The following IPCEF1 variants were observed in gnomAD, a reference collection of about 807,000 sequenced individuals.
IPCEF1 encodes the protein interactor protein for cytohesin exchange factors 1.
In IPCEF1, 31 loss-of-function variants were observed where a neutral mutation model predicts 50.9. The observed-to-expected ratio is 0.61, with a 90% CI of 0.46 to 0.82. The LOEUF is 0.82. Among genes scored for constraint, IPCEF1 ranks in the 40% least tolerant of loss-of-function variants. The pLI is 0.00. For missense variants in IPCEF1, 458 were observed against 514.0 expected, an observed-to-expected ratio of 0.89 and a Z score of 1.05; for synonymous variants, 181 against 192.0, an observed-to-expected ratio of 0.94 and a Z score of 0.47.
At chr6:154,249,685 C>T (rs1367865941) in intron 3 of IPCEF1, among the ~76,000 whole-genome samples, 2 of 152,052 alleles carry the variant, frequency 1.3e-5, no homozygotes, top group Non-Finnish European at 2.9e-5. Context: ...TTCCATCGCT[C>T]CCAGCTGGGT....
intron 2 of IPCEF1, among the ~76,000 whole-genome samples, chr6:154,286,987 C>A (rs1315048386): frequency 6.6e-6 from 1 of 152,140 alleles, no homozygotes; most frequent in African/African-American, 2.4e-5. Context: ...GTTCTCATGA[C>A]AGTGAGTGAG....
At chr6:154,182,067 T>A (rs1035371107) in intron 10 of IPCEF1, among the ~76,000 whole-genome samples, 2 of 152,070 alleles carry the variant, frequency 1.3e-5, no homozygotes, top group Admixed American at 6.5e-5. Flanking sequence ...TTAAAATTTT[T>A]AAAAAAGATC....
rs564831205 is a variant in IPCEF1, at chr6:154,274,054, C to CT, written c.-17-8091dup. Among the ~76,000 whole-genome samples, 735 of 142,348 alleles carry CT rather than the reference C, an allele frequency of 5.2e-3. 3 individuals are homozygous for CT. Among genetic ancestry groups the CT allele is most frequent in the African/African-American group, 0.013 (500 of 39,002 alleles). 93.4% of individuals were successfully genotyped at this position (142,348 alleles called of 152,430 possible). A position where few individuals can be genotyped will look rare whatever the true frequency, so the allele number is the denominator to read the frequency against. On this transcript the variant is annotated intron_variant, in intron 2 of 11. Coordinates refer to ENST00000367220, the MANE Select transcript of IPCEF1 (RefSeq NM_001130700.2). ...AGGCATGAGCCACCGTGCCTGGCTG[C>CT]TTTTTTTTTTTTTAACTTAAGCTCA... is the stretch of plus-strand genomic sequence containing the variant.
intron 5 of IPCEF1, among the ~76,000 whole-genome samples, chr6:154,229,053 T>A (rs769286248): frequency 2.0e-5 from 3 of 152,202 alleles, no homozygotes; most frequent in African/African-American, 7.2e-5. Flanking sequence ...CCTATTCCCT[T>A]AAGTCTGGAC....
chr6:154,186,655 C>T (rs925034491), intron 10 of IPCEF1, among the ~76,000 whole-genome samples: 6 of 151,974 alleles, frequency 3.9e-5, no homozygotes, highest in East Asian at 1.9e-4. Context: ...CTCCCGGGTT[C>T]GCGCCATTCT....
chr6:154,335,423 T>G (rs1783768181), intron 1 of IPCEF1, among the ~76,000 whole-genome samples: 1 of 152,242 alleles, frequency 6.6e-6, no homozygotes, highest in Non-Finnish European at 1.5e-5. Flanking sequence ...CCAGTTAATC[T>G]GCCTTTTGTG....
At chr6:154,313,800 G>A (rs1364591929) in intron 1 of IPCEF1, among the ~76,000 whole-genome samples, 1 of 152,112 alleles carries the variant, frequency 6.6e-6, no homozygotes, top group Non-Finnish European at 1.5e-5. Context: ...CTGGAGTGCA[G>A]TGGCATGATC....
At chr6:154,318,784 A>G (rs1322093997) in intron 1 of IPCEF1, among the ~76,000 whole-genome samples, 1 of 152,130 alleles carries the variant, frequency 6.6e-6, no homozygotes, top group African/African-American at 2.4e-5. Context: ...CCCAATGTCA[A>G]TAATTATTTT....
At chr6:154,352,613 T>C (rs952211165) in intron 1 of IPCEF1, among the ~76,000 whole-genome samples, 3 of 152,224 alleles carry the variant, frequency 2.0e-5, no homozygotes, top group African/African-American at 4.8e-5. Context: ...CGACTATCTC[T>C]CCTTTCTAAG....
chr6:154,202,243 C>T (rs187667703), intron 9 of IPCEF1, among the ~76,000 whole-genome samples: 6 of 152,140 alleles, frequency 3.9e-5, no homozygotes, highest in South Asian at 2.1e-4. Flanking sequence ...TATACTGGCA[C>T]GTACATAAAA....
chr6:154,334,409 T>C (rs1037906178), intron 1 of IPCEF1, among the ~76,000 whole-genome samples: 3 of 152,206 alleles, frequency 2.0e-5, no homozygotes, highest in Non-Finnish European at 4.4e-5. Context: ...AAATTTCTTC[T>C]AGCTAAAGTA....
intron 3 of IPCEF1, among the ~76,000 whole-genome samples, chr6:154,262,754 C>T (rs1012141488): frequency 9.6e-5 from 14 of 145,582 alleles, no homozygotes; most frequent in Admixed American, 3.5e-4. Context: ...AGTACATATA[C>T]ACATGCTTAT....
chr6:154,344,688 T>C (rs1783989895), intron 1 of IPCEF1, among the ~76,000 whole-genome samples: 1 of 152,176 alleles, frequency 6.6e-6, no homozygotes, highest in Admixed American at 6.6e-5. Flanking sequence ...GCCTGCATTT[T>C]CCTACTGACT....
intron 6 of IPCEF1, 35 bp downstream of exon 6, chr6:154,223,135 G>A (rs2128618377): frequency 6.7e-7 from 1 of 1,502,592 alleles, no homozygotes; most frequent in East Asian, 2.3e-5. Flanking sequence ...TAGTATCCTG[G>A]CTCAGAGTTT....
intron 1 of IPCEF1, among the ~76,000 whole-genome samples, chr6:154,337,325 A>G (rs1430156717): frequency 6.6e-6 from 1 of 152,230 alleles, no homozygotes; most frequent in African/African-American, 2.4e-5. Flanking sequence ...CATTCTTTAG[A>G]TATAGACACT....
intron 7 of IPCEF1, among the ~76,000 whole-genome samples, chr6:154,218,126 G>C (rs1220430717): frequency 6.6e-6 from 1 of 152,152 alleles, no homozygotes; most frequent in East Asian, 1.9e-4. Context: ...ACATCTATCT[G>C]TGGCTAAGTA....
intron 8 of IPCEF1, among the ~76,000 whole-genome samples, chr6:154,213,961 G>C (rs941740691): frequency 6.6e-6 from 1 of 152,214 alleles, no homozygotes; most frequent in African/African-American, 2.4e-5. Flanking sequence ...GTGACTGTTT[G>C]AGATGTCATG....
chr6:154,170,905 C>G (rs886188911), intron 10 of IPCEF1, among the ~76,000 whole-genome samples: 2 of 152,128 alleles, frequency 1.3e-5, no homozygotes, highest in Non-Finnish European at 2.9e-5. Context: ...GGGTCTTGGT[C>G]TATCACCTGG....
chr6:154,259,212 CTT>C (rs534856629), intron 3 of IPCEF1, among the ~76,000 whole-genome samples: 2 of 152,242 alleles, frequency 1.3e-5, no homozygotes, highest in Admixed American at 6.5e-5. Flanking sequence ...AGAGTTGACT[CTT>C]GGTATTTTCT....
Sources: allele counts gnomAD v4.1 joint callset (sites outside exome capture counted in the v4.1 genomes callset), GRCh38; gene constraint gnomAD v4.1.1; transcripts MANE v1.5; gene names NCBI Gene and HGNC (gene_info 2026-07-23, HGNC 2026-07-21).